Variants in SH3KBP1 observed in about 807,000 individuals in gnomAD.
SH3KBP1 encodes the protein SH3 domain containing kinase binding protein 1.
In SH3KBP1, 8 loss-of-function variants were observed where a neutral mutation model predicts 50.1. The observed-to-expected ratio is 0.16, with a 90% CI of 0.09 to 0.29. SH3KBP1 has a LOEUF of 0.29. Among genes scored for constraint, SH3KBP1 ranks in the 10% least tolerant of loss-of-function variants. The probability of loss-of-function intolerance (pLI) is 1.00; values close to 1 mark genes in which losing one functional copy is unlikely to be tolerated. For synonymous variants in SH3KBP1, 227 were observed against 218.6 expected, an observed-to-expected ratio of 1.04 and a Z score of -0.34; for missense variants, 377 against 535.2, an observed-to-expected ratio of 0.70 and a Z score of 2.92.
At chrX:19,573,503 T>A (rs1369110682) in intron 12 of SH3KBP1, among the ~76,000 whole-genome samples, 1 of 111,630 alleles carries the variant, frequency 9.0e-6, no homozygotes, top group Non-Finnish European at 1.9e-5. Context: ...GCCAGGATGG[T>A]CTTGAATTCC....
At chrX:19,570,023 T>C (rs760023595) in intron 12 of SH3KBP1, among the ~76,000 whole-genome samples, 1 of 112,176 alleles carries the variant, frequency 8.9e-6, no homozygotes, top group South Asian at 3.7e-4. Flanking sequence ...CCCAGCAAAG[T>C]AACAGAAATA....
At chrX:19,828,346 C>T (rs2067753043) in intron 2 of SH3KBP1, among the ~76,000 whole-genome samples, 1 of 110,686 alleles carries the variant, frequency 9.0e-6, no homozygotes, top group African/African-American at 3.3e-5. Context: ...ATAAGTTCAA[C>T]GAAACTTTGA....
intron 9 of SH3KBP1, among the ~76,000 whole-genome samples, chrX:19,597,890 A>G (rs1175127785): frequency 8.9e-6 from 1 of 112,954 alleles, no homozygotes; most frequent in Non-Finnish European, 1.9e-5. Flanking sequence ...TCTTCTTTCA[A>G]TCAAAGGCTG....
At chrX:19,554,093 AAT>A (rs2065368169) in intron 13 of SH3KBP1, among the ~76,000 whole-genome samples, 1 of 68,731 alleles carries the variant, frequency 1.5e-5, no homozygotes, top group Admixed American at 2.3e-4. Context: ...ATTAAAATAT[AAT>A]ATTATATATC....
At chrX:19,621,049 G>T (rs1272165517) in intron 8 of SH3KBP1, among the ~76,000 whole-genome samples, 5 of 74,379 alleles carry the variant, frequency 6.7e-5, no homozygotes, top group African/African-American at 2.0e-4. Flanking sequence ...GTGTCCAATT[G>T]TGCCAATACC....
intron 16 of SH3KBP1, 63 bp downstream of exon 16, chrX:19,541,862 C>T: frequency 8.8e-7 from 1 of 1,142,057 alleles, no homozygotes; most frequent in Non-Finnish European, 1.2e-6. Context: ...GCTTTCAGAA[C>T]TAGGTGCTGG....
chrX:19,691,681 C>T (rs1053766947), intron 5 of SH3KBP1, among the ~76,000 whole-genome samples: 2 of 110,351 alleles, frequency 1.8e-5, no homozygotes, highest in Admixed American at 9.8e-5. Context: ...CTAACTGCAA[C>T]GTATGTACTT....
At chrX:19,848,371 T>G (rs1192770443) in intron 1 of SH3KBP1, among the ~76,000 whole-genome samples, 2 of 112,313 alleles carry the variant, frequency 1.8e-5, no homozygotes, top group Non-Finnish European at 3.8e-5. Context: ...TGAGCATGAT[T>G]AACAATAACT....
intron 2 of SH3KBP1, among the ~76,000 whole-genome samples, chrX:19,813,476 T>C (rs1003896151): frequency 3.0e-4 from 34 of 111,517 alleles, no homozygotes; most frequent in African/African-American, 1.0e-3. Context: ...CTCACAGAGT[T>C]CCCTTTTTGT....
chrX:19,866,503 C>T (rs1160287255), intron 1 of SH3KBP1, among the ~76,000 whole-genome samples: 1 of 109,785 alleles, frequency 9.1e-6, no homozygotes, highest in Non-Finnish European at 1.9e-5. Context: ...GCCTGGGCAA[C>T]ATAACGAGAC....
At chrX:19,636,701 GC>G (rs2061710884) in intron 7 of SH3KBP1, among the ~76,000 whole-genome samples, 1 of 110,822 alleles carries the variant, frequency 9.0e-6, no homozygotes, top group African/African-American at 3.3e-5. Flanking sequence ...AAACAAACAA[GC>G]AAAAACCCTC....
At chrX:19,733,383 T>C (rs1034172238) in intron 3 of SH3KBP1, among the ~76,000 whole-genome samples, 3 of 110,032 alleles carry the variant, frequency 2.7e-5, no homozygotes, top group African/African-American at 9.9e-5. Context: ...AAATTAATGG[T>C]ATAGAATTGA....
chrX:19,723,265 C>T (rs1373947427), intron 3 of SH3KBP1, among the ~76,000 whole-genome samples: 1 of 111,469 alleles, frequency 9.0e-6, no homozygotes, highest in Non-Finnish European at 1.9e-5. Flanking sequence ...GCATAATGTC[C>T]ACTGCTACAT....
At chrX:19,590,090 C>T (rs1221215371) in intron 11 of SH3KBP1, among the ~76,000 whole-genome samples, 1 of 111,213 alleles carries the variant, frequency 9.0e-6, no homozygotes, top group Non-Finnish European at 1.9e-5. Flanking sequence ...GGCTGGGTGA[C>T]AGAGCAAGAC....
chrX:19,556,290 C>T (rs1027291574), intron 13 of SH3KBP1, among the ~76,000 whole-genome samples: 1 of 104,268 alleles, frequency 9.6e-6, no homozygotes, highest in Non-Finnish European at 2.0e-5. Context: ...CCTCCCCTAC[C>T]TTTTTTTTTT....
rs2066643656 is a variant in SH3KBP1 at position 19,588,659 on chromosome X, G to A, written c.1282C>T (p.Pro428Ser). ...CAGCAGTACCTGGTGTGTGTCAGCG[G>A]ACCCACCGGTCTCTCCGGCCTTCTC... ...PPRRPERPVG[P>S]LTHTRGDSPK... The change falls in exon 12 of 18, where the codon CCG becomes TCG. Residue 428 changes from proline to serine, a missense_variant. Coordinates refer to ENST00000397821, the MANE Select transcript of SH3KBP1 (RefSeq NM_031892.3). 1 of 1,205,898 alleles carries A rather than the reference G, an allele frequency of 8.3e-7. No individual in the cohort carries two copies.
At chrX:19,762,410 G>C (rs1205798918) in intron 2 of SH3KBP1, among the ~76,000 whole-genome samples, 1 of 110,261 alleles carries the variant, frequency 9.1e-6, no homozygotes, top group Non-Finnish European at 1.9e-5. Flanking sequence ...ATCAGTGCTT[G>C]AGGTATTTTG....
intron 7 of SH3KBP1, among the ~76,000 whole-genome samples, chrX:19,642,147 C>T (rs757165768): frequency 4.5e-5 from 5 of 111,985 alleles, no homozygotes; most frequent in East Asian, 2.8e-4. Flanking sequence ...ATGGTGCTAA[C>T]GGCTTTTAAA....
At chrX:19,639,803 G>A (rs1455701738) in intron 7 of SH3KBP1, among the ~76,000 whole-genome samples, 1 of 110,393 alleles carries the variant, frequency 9.1e-6, no homozygotes, top group African/African-American at 3.3e-5. Flanking sequence ...GAGTGAGTTT[G>A]GGGGAGGATA....
Sources: gnomAD v4.1 joint callset for allele counts (sites outside exome capture counted in the v4.1 genomes callset) on GRCh38, gnomAD v4.1.1 for gene constraint, MANE v1.5 for transcripts, NCBI Gene and HGNC (gene_info 2026-07-23, HGNC 2026-07-21) for gene names.